NARS2: variants seen among roughly 807,000 people sequenced by gnomAD.
NARS2 encodes the protein asparaginyl-tRNA synthetase 2, mitochondrial.
NARS2 carries 60 observed loss-of-function variants against 62.9 expected under a neutral mutation model. That is an observed-to-expected ratio of 0.95 (90% confidence interval 0.77 to 1.18). NARS2 has a LOEUF of 1.18. NARS2 is among the 50% of genes most tolerant of loss of function. The pLI is 0.00. For synonymous variants in NARS2, 196 were observed against 200.0 expected, an observed-to-expected ratio of 0.98 and a Z score of 0.17; for missense variants, 619 against 576.4, an observed-to-expected ratio of 1.07 and a Z score of -0.76.
Position 78,527,449 on chromosome 11 carries a change from T to A in NARS2, c.689+1393A>T, listed in dbSNP as rs183447412. Among the ~76,000 whole-genome samples the A allele has an allele frequency of 5.3e-5, 8 of 152,356 alleles. No individual in the cohort carries two copies. In the East Asian group the frequency reaches 1.5e-3, roughly 29 times the overall value. Reference sequence around the variant, plus strand: ...ATCTCACCATGTTATTATGACACTTTTTCTGCATAGTATTCTGCTAATATT... The same window carrying A: ...ATCTCACCATGTTATTATGACACTTATTCTGCATAGTATTCTGCTAATATT... On this transcript the variant is annotated intron_variant, in intron 6 of 13. Transcript: ENST00000281038.
chr11:78,506,436 A>G (rs1860501920), intron 6 of NARS2, among the ~76,000 whole-genome samples: 1 of 152,220 alleles, frequency 6.6e-6, no homozygotes, highest in South Asian at 2.1e-4. Context: ...TAAGTATCAA[A>G]CGACAGATGG....
At chr11:78,554,229 G>GGGCTATCTT (rs1350311681) in intron 5 of NARS2, among the ~76,000 whole-genome samples, 2 of 151,934 alleles carry the variant, frequency 1.3e-5, no homozygotes, top group Non-Finnish European at 2.9e-5. Flanking sequence ...TTGGCTATCT[G>GGGCTATCTT]GGCTATCTTG....
intron 7 of NARS2, among the ~76,000 whole-genome samples, chr11:78,481,496 T>C (rs890308833): frequency 6.6e-5 from 10 of 152,150 alleles, no homozygotes; most frequent in African/African-American, 2.2e-4. Flanking sequence ...GTACACCCAT[T>C]TGTAAGATGA....
intron 5 of NARS2, among the ~76,000 whole-genome samples, chr11:78,558,914 C>T (rs1053414191): frequency 1.3e-5 from 2 of 152,212 alleles, no homozygotes; most frequent in Admixed American, 1.3e-4. Flanking sequence ...ATTGAATCTG[C>T]GTAAGAGAGA....
intron 6 of NARS2, among the ~76,000 whole-genome samples, chr11:78,517,700 T>C (rs1325125044): frequency 2.6e-4 from 40 of 152,230 alleles, no homozygotes; most frequent in Admixed American, 2.6e-3. Context: ...CATTCTATTT[T>C]AACCCAGGGA....
chr11:78,541,558 A>G (rs574295598), intron 5 of NARS2, among the ~76,000 whole-genome samples: 2 of 152,238 alleles, frequency 1.3e-5, no homozygotes, highest in South Asian at 2.1e-4. Flanking sequence ...ATATAACATA[A>G]AACAAGCCAG....
At chr11:78,468,960 C>G (rs1202292887) in intron 10 of NARS2, among the ~76,000 whole-genome samples, 4 of 151,948 alleles carry the variant, frequency 2.6e-5, no homozygotes, top group Non-Finnish European at 4.4e-5. Flanking sequence ...GATTATCTTT[C>G]TTTTTTAGAA....
In NARS2 at chr11:78,450,074, A is replaced by G. The variant is rs886924644; in HGVS notation, c.1165-6316T>C. ...TCACATTCCTCGACCAATGCAAGTC[A>G]TATGACTCAGGTCACATTAATGGGA... On this transcript the variant is annotated intron_variant, in intron 11 of 13. Coordinates refer to ENST00000281038, the MANE Select transcript of NARS2 (RefSeq NM_024678.6). Among the ~76,000 whole-genome samples, 10 of 152,232 alleles carry G rather than the reference A, an allele frequency of 6.6e-5. No individual in the cohort carries two copies. In the South Asian group the frequency reaches 1.4e-3, roughly 22 times the overall value.
intron 11 of NARS2, among the ~76,000 whole-genome samples, chr11:78,460,580 C>T (rs1858356260): frequency 1.3e-5 from 2 of 151,992 alleles, no homozygotes; most frequent in African/African-American, 4.8e-5. Flanking sequence ...TTTAGGAGCG[C>T]AAAACTGACA....
intron 4 of NARS2, among the ~76,000 whole-genome samples, chr11:78,562,005 A>G (rs1856572937): frequency 6.6e-6 from 1 of 152,190 alleles, no homozygotes; most frequent in Non-Finnish European, 1.5e-5. Flanking sequence ...ACTGTGCTCT[A>G]GCCTGGGTGA....
chr11:78,518,328 G>A (rs115370914), intron 6 of NARS2, among the ~76,000 whole-genome samples: 7 of 152,158 alleles, frequency 4.6e-5, no homozygotes, highest in Admixed American at 1.3e-4. Context: ...ATATGGAGAC[G>A]AACTGTATAA....
chr11:78,440,463 G>C (rs116452412), intron 13 of NARS2, among the ~76,000 whole-genome samples: 2,449 of 152,252 alleles, frequency 0.016, 54 homozygotes, highest in African/African-American at 0.056. Flanking sequence ...CTCATGCCTA[G>C]GGAGTAATAA....
chr11:78,452,637 T>G (rs1288889286), intron 11 of NARS2, among the ~76,000 whole-genome samples: 1 of 152,074 alleles, frequency 6.6e-6, no homozygotes, highest in African/African-American at 2.4e-5. Context: ...TCAAACTCCT[T>G]GGCTCAAGCG....
chr11:78,549,814 C>T (rs1271769354), intron 5 of NARS2, among the ~76,000 whole-genome samples: 2 of 152,028 alleles, frequency 1.3e-5, no homozygotes, highest in Admixed American at 1.3e-4. Context: ...AAGGCTATTC[C>T]CCCTGAGTGG....
At chr11:78,560,794 G>A (rs892666434) in intron 4 of NARS2, among the ~76,000 whole-genome samples, 1 of 152,194 alleles carries the variant, frequency 6.6e-6, no homozygotes, top group Non-Finnish European at 1.5e-5. Flanking sequence ...GCCCAGAGGT[G>A]CTGCACAGAG....
At chr11:78,544,018 C>CAAAAAAAA (rs10688131) in intron 5 of NARS2, among the ~76,000 whole-genome samples, 5 of 73,922 alleles carry the variant, frequency 6.8e-5, no homozygotes, top group East Asian at 4.8e-4. Flanking sequence ...GACTCTGTCT[C>CAAAAAAAA]AAAAAAAAAA....
intron 5 of NARS2, among the ~76,000 whole-genome samples, chr11:78,556,463 G>C (rs1327718105): frequency 6.6e-6 from 1 of 152,192 alleles, no homozygotes; most frequent in East Asian, 1.9e-4. Context: ...CTTCTGAGAA[G>C]TCAGAAGAGG....
At chr11:78,570,562 A>G (rs757063701) in intron 2 of NARS2, among the ~76,000 whole-genome samples, 6 of 152,164 alleles carry the variant, frequency 3.9e-5, no homozygotes, top group Admixed American at 6.5e-5. Context: ...TCATTTTTAT[A>G]TTTTTGGTAG....
chr11:78,561,714 G>C (rs1047975083), intron 4 of NARS2, among the ~76,000 whole-genome samples: 26 of 152,278 alleles, frequency 1.7e-4, no homozygotes, highest in Admixed American at 1.3e-3. Context: ...GGAATTGCTA[G>C]CCACAGGCAG....
Sources: allele counts gnomAD v4.1 joint callset (sites outside exome capture counted in the v4.1 genomes callset), GRCh38; gene constraint gnomAD v4.1.1; transcripts MANE v1.5; gene names NCBI Gene and HGNC (gene_info 2026-07-23, HGNC 2026-07-21).